The following IL18RAP variants were observed in gnomAD, a reference collection of about 807,000 sequenced individuals.
The protein encoded by IL18RAP is interleukin 18 receptor accessory protein.
In IL18RAP, 37 loss-of-function variants were observed where a neutral mutation model predicts 58.1. The observed-to-expected ratio is 0.64, with a 90% CI of 0.49 to 0.84. The LOEUF is 0.84. IL18RAP is among the 40% of genes least tolerant of loss of function. The pLI is 0.00. For synonymous variants in IL18RAP, 268 were observed against 257.5 expected, an observed-to-expected ratio of 1.04 and a Z score of -0.39; for missense variants, 667 against 704.8, an observed-to-expected ratio of 0.95 and a Z score of 0.61.
At chr2:102,451,736 A>C in intron 9 of IL18RAP, 30 bp from the exon 10 acceptor site, 1 of 1,574,232 alleles carries the variant, frequency 6.4e-7, no homozygotes, top group Non-Finnish European at 8.7e-7. Context: ...AACAATATCC[A>C]TTGCAAATAA....
At position 102,423,307 on chromosome 2, in the gene IL18RAP, G is replaced by A; in HGVS notation, c.30G>A (p.Trp10Ter). The change falls in exon 1 of 10, where the codon TGG (tryptophan) becomes TGA (stop). Residue 10 changes from tryptophan to a stop codon, truncating the protein, a stop_gained. Coordinates refer to ENST00000687160, the MANE Select transcript of IL18RAP (RefSeq NM_001393487.1). LOFTEE classifies it high-confidence loss of function. Reference protein sequence around the residue: MLCLGWIFLWLVAGERIKGF... With the variant: MLCLGWIFL ...TCTGTTTGGGCTGGATATTTCTTTG[G>A]CTTGTTGCAGGAGAGCGAATTAAAG... is the stretch of plus-strand genomic sequence containing the variant. 6.2e-7 allele frequency: 1 copy of A among 1,614,088 alleles called. No homozygotes were observed.
Position 102,452,313 on chromosome 2 carries a change from T to C in IL18RAP, c.*132T>C. 1.2e-6 allele frequency: 1 copy of C among 847,470 alleles called. No homozygotes were observed. The highest frequency in any genetic ancestry group is 1.8e-6 in the Non-Finnish European group (1 of 553,152). The allele number at this position is 847,470 out of a possible 1,614,324, so 52.5% of individuals were successfully genotyped here. A position where few individuals can be genotyped will look rare whatever the true frequency, so the allele number is the denominator to read the frequency against. ...GTCTCCTGCCAGCACCAAGCAAGCT[T>C]GATGGACAATGGAGTGGGATTGAGA... is the stretch of plus-strand genomic sequence containing the variant. On this transcript the variant is annotated 3_prime_UTR_variant, in exon 10 of 10. Transcript: ENST00000687160.
intron 9 of IL18RAP, 142 bp from the exon 10 acceptor site, chr2:102,451,624 A>T (rs1043756225): frequency 2.9e-6 from 2 of 681,028 alleles, no homozygotes; most frequent in Non-Finnish European, 5.0e-6. Flanking sequence ...CGTATCTCCA[A>T]CTGGCAATAG....
Position 102,450,984 on chromosome 2 carries a change from C to G in IL18RAP, c.1347C>G (p.Ser449Arg), listed in dbSNP as rs1234542954. Residue 449 changes from serine (S) to arginine (R), a missense_variant, in exon 9 of 10, where the codon AGC becomes AGG. Ser to Arg is a moderately radical substitution (Grantham distance 110). Transcript: ENST00000687160. ...PDVLENKYGY[S>R]LCLLERDVAP... ...TTTTAGAAAACAAATATGGATATAGCCTGTGTTTGCTTGAAAGAGATGTGG... is the reference window on the plus strand; with the variant it reads ...TTTTAGAAAACAAATATGGATATAGGCTGTGTTTGCTTGAAAGAGATGTGG... The G allele has an allele frequency of 6.2e-6, 10 of 1,606,708 alleles. No homozygotes were observed. Among genetic ancestry groups the G allele is most frequent in the Admixed American group, 1.7e-5 (1 of 58,698 alleles).
At chr2:102,426,475 A>T (rs1335500488) in intron 3 of IL18RAP, among the ~76,000 whole-genome samples, 1 of 152,124 alleles carries the variant, frequency 6.6e-6, no homozygotes, top group African/African-American at 2.4e-5. Context: ...TAATTAACAA[A>T]TCATAATTGT....
chr2:102,446,425 G>A (rs371981926), intron 7 of IL18RAP, among the ~76,000 whole-genome samples: 1 of 152,014 alleles, frequency 6.6e-6, no homozygotes, highest in Admixed American at 6.5e-5. Flanking sequence ...CACTACACCC[G>A]TTGTGTCGTC....
intron 3 of IL18RAP, among the ~76,000 whole-genome samples, chr2:102,436,751 A>C (rs184725519): frequency 1.3e-5 from 2 of 152,134 alleles, no homozygotes; most frequent in African/African-American, 2.4e-5. Flanking sequence ...GTATCTGTTT[A>C]TATACGTAAA....
At chr2:102,420,151 G>A (rs923047896), upstream of IL18RAP, among the ~76,000 whole-genome samples, 1 of 152,194 alleles carries the variant, frequency 6.6e-6, no homozygotes. Flanking sequence ...CTTCCAGAAT[G>A]GTCTTGGGCT....
chr2:102,449,289 G>T (rs993837837), intron 8 of IL18RAP, among the ~76,000 whole-genome samples: 1 of 152,084 alleles, frequency 6.6e-6, no homozygotes. Context: ...AGAAAGAAAT[G>T]CATCAGTCAC....
chr2:102,448,952 C>A (rs527310004), intron 8 of IL18RAP, among the ~76,000 whole-genome samples: 1 of 120,650 alleles, frequency 8.3e-6, no homozygotes, highest in East Asian at 2.1e-4. Context: ...CAGAGCGATA[C>A]CCTATCTCAA....
chr2:102,423,362 T>C lies in IL18RAP; in HGVS notation c.70+15T>C, dbSNP rs187271900. On this transcript the variant is annotated intron_variant, in intron 1 of 9. Coordinates refer to ENST00000687160, the MANE Select transcript of IL18RAP (RefSeq NM_001393487.1). ...TAATATTTCAGGTAGGGGTTTTCAC[T>C]TTTCATGTTAGCACTGTGAGTCTGT... is the stretch of plus-strand genomic sequence containing the variant. 1 of 1,608,202 alleles carries C rather than the reference T, an allele frequency of 6.2e-7. No homozygotes were observed. Among genetic ancestry groups the C allele is most frequent in the Non-Finnish European group, 8.5e-7 (1 of 1,174,564 alleles).
Position 102,437,245 on chromosome 2 carries a change from C to A in IL18RAP, c.613C>A (p.Arg205=), listed in dbSNP as rs369615964. 1 of 1,611,850 alleles carries A rather than the reference C, an allele frequency of 6.2e-7. No homozygotes were observed. Among genetic ancestry groups the A allele is most frequent in the African/African-American group, 1.3e-5 (1 of 74,758 alleles). The part of the protein sequence containing the change: ...GKLLSVERSN[R]IVVDEVYDYH... ...ACTCCTCTCTGTGGAAAGGAGCAAC[C>A]GAATCGTAGTGGATGAAGTTTATGA... Residue 205 remains arginine, a synonymous_variant, in exon 4 of 10, where the codon CGA becomes AGA. Coordinates refer to ENST00000687160, the MANE Select transcript of IL18RAP (RefSeq NM_001393487.1).
intron 3 of IL18RAP, among the ~76,000 whole-genome samples, chr2:102,436,444 C>G (rs1271974607): frequency 6.6e-6 from 1 of 152,072 alleles, no homozygotes. Flanking sequence ...TGCTTCCTGC[C>G]CACAGCTGCA....
upstream of IL18RAP, chr2:102,423,061 A>G (rs1253877970): frequency 3.4e-6 from 2 of 582,602 alleles, no homozygotes; most frequent in African/African-American, 3.7e-5. Context: ...ATACTCACGT[A>G]AGTTATAGGC....
upstream of IL18RAP, chr2:102,418,909 T>C (rs768959116): frequency 6.6e-6 from 1 of 152,142 alleles, no homozygotes; most frequent in Non-Finnish European, 1.5e-5. Flanking sequence ...TTCCTTCCTC[T>C]TTTTTTTATG....
chr2:102,445,535 G>GTT (rs1244593895), intron 7 of IL18RAP, among the ~76,000 whole-genome samples, 195 bp downstream of exon 7: 1 of 152,176 alleles, frequency 6.6e-6, no homozygotes, highest in Non-Finnish European at 1.5e-5. Flanking sequence ...CATATTACTG[G>GTT]TTTAGAGCTA....
chr2:102,440,531 A>C (rs1445958346), intron 4 of IL18RAP: 1 of 152,250 alleles, frequency 6.6e-6, no homozygotes, highest in Non-Finnish European at 1.5e-5. Context: ...AAGGAGAATA[A>C]GTGAGGCTGG....
At chr2:102,442,102 G>C (rs1683140273) in intron 5 of IL18RAP, among the ~76,000 whole-genome samples, 1 of 152,110 alleles carries the variant, frequency 6.6e-6, no homozygotes. Context: ...GCATTTAAGA[G>C]AACTGTAGTA....
At chr2:102,446,947 A>G in intron 7 of IL18RAP, 123 bp from the exon 8 acceptor site, 1 of 1,042,720 alleles carries the variant, frequency 9.6e-7, no homozygotes, top group Non-Finnish European at 1.4e-6. Context: ...TGCTAGTGGC[A>G]ATGATTTTGA....
Sources: gnomAD v4.1 joint callset for allele counts (sites outside exome capture counted in the v4.1 genomes callset) on GRCh38, gnomAD v4.1.1 for gene constraint, MANE v1.5 for transcripts, NCBI Gene and HGNC (gene_info 2026-07-23, HGNC 2026-07-21) for gene names.